Variants in MTCL1 observed in about 807,000 individuals in gnomAD.
MTCL1 encodes the protein microtubule crosslinking factor 1, also known as microtubule cross-linking factor 1.
MTCL1 carries 79 observed loss-of-function variants against 141.4 expected under a neutral mutation model. The ratio of observed to expected loss-of-function variants is 0.56; its 90% CI spans 0.47 to 0.67. The LOEUF (loss-of-function observed/expected upper bound fraction) is 0.67. Among genes scored for constraint, MTCL1 ranks in the 30% least tolerant of loss-of-function variants. The probability of loss-of-function intolerance (pLI) is 0.00; values close to 1 mark genes in which losing one functional copy is unlikely to be tolerated. For missense variants in MTCL1, 2,177 were observed against 2,113.9 expected, an observed-to-expected ratio of 1.03 and a Z score of -0.59; for synonymous variants, 914 against 875.8, an observed-to-expected ratio of 1.04 and a Z score of -0.77.
intron 9 of MTCL1, among the ~76,000 whole-genome samples, chr18:8,797,419 A>G (rs1281023740): frequency 2.6e-5 from 4 of 152,184 alleles, no homozygotes; most frequent in African/African-American, 7.2e-5. Flanking sequence ...TTTTGTATTG[A>G]TTAAGTCAGA....
At position 8,783,263 on chromosome 18, in the gene MTCL1, T is replaced by C. The variant is rs548528764; in HGVS notation, c.418-267T>C. ...GTATGATGGTTTCCACGTGCACTTT[T>C]TTTTTTCCAAACTAATTTTTTTTTG... On this transcript the variant is annotated intron_variant, in intron 5 of 16. Coordinates refer to ENST00000359865, the Ensembl canonical transcript of MTCL1. 3.9e-5 allele frequency among the ~76,000 whole-genome samples: 6 copies of C among 151,976 alleles called. No homozygotes were observed. The East Asian group carries it at 7.7e-4, about 20-fold the overall frequency.
intron 4 of MTCL1, among the ~76,000 whole-genome samples, chr18:8,776,302 C>G (rs1348072611): frequency 6.6e-6 from 1 of 152,210 alleles, no homozygotes; most frequent in Admixed American, 6.5e-5. Context: ...TTAACTTAAT[C>G]TTTGCAGATT....
chr18:8,762,031 A>G (rs2096434930), intron 4 of MTCL1, among the ~76,000 whole-genome samples: 1 of 152,184 alleles, frequency 6.6e-6, no homozygotes, highest in Non-Finnish European at 1.5e-5. Flanking sequence ...CTATGTCTGA[A>G]TAGAATTCCA....
chr18:8,737,301 A>G (rs1305357509), intron 4 of MTCL1, among the ~76,000 whole-genome samples: 1 of 152,228 alleles, frequency 6.6e-6, no homozygotes, highest in Admixed American at 6.5e-5. Flanking sequence ...CATTTAGTAA[A>G]TAGCTTAAAC....
rs533874740 is a variant in MTCL1 at position 8,823,035 on chromosome 18, A to AAGAT, written c.3188+1556_3188+1559dup. ...TAAGACTCCGTCTCAAAAAAAAAAA[A>AAGAT]AGATAGATAGATAGATAGATAGTCT... On this transcript the variant is annotated intron_variant, in intron 14 of 16. Transcript: ENST00000359865. Among the ~76,000 whole-genome samples, 279 of 151,988 alleles carry AAGAT rather than the reference A, an allele frequency of 1.8e-3. 1 individual carries two copies. Among genetic ancestry groups the AAGAT allele is most frequent in the Non-Finnish European group, 3.0e-3 (205 of 67,962 alleles).
At chr18:8,758,448 A>G (rs1022297604) in intron 4 of MTCL1, among the ~76,000 whole-genome samples, 2 of 152,094 alleles carry the variant, frequency 1.3e-5, no homozygotes, top group African/African-American at 2.4e-5. Context: ...TTCTTCTTCT[A>G]TGGATTTCAA....
chr18:8,829,159 T>C (rs1332960695), intron 16 of MTCL1: 1 of 985,402 alleles, frequency 1.0e-6, no homozygotes, highest in Non-Finnish European at 1.2e-6. Context: ...TGCTAGAGGG[T>C]TGACCACTCA....
chr18:8,758,132 C>T (rs924172120), intron 4 of MTCL1, among the ~76,000 whole-genome samples: 1 of 150,882 alleles, frequency 6.6e-6, no homozygotes, highest in African/African-American at 2.4e-5. Flanking sequence ...TCAAGCGATT[C>T]TCTTGTCTCA....
Position 8,785,948 on chromosome 18 carries a change from G to C in MTCL1, c.1744G>C (p.Glu582Gln), listed in dbSNP as rs766643883. Reference sequence around the variant, plus strand: ...GTGCACCTAACAGTCCAGACTGAAAGAGCAGCTGGAGTGGCAGCTCGGGCC... The same window carrying C: ...GTGCACCTAACAGTCCAGACTGAAACAGCAGCTGGAGTGGCAGCTCGGGCC... Residue 582 changes from glutamate (E) to glutamine (Q), a missense_variant, in exon 7 of 17, where the codon GAG becomes CAG. Glu to Gln is a conservative substitution (Grantham distance 29, BLOSUM62 2). Coordinates refer to ENST00000359865, the Ensembl canonical transcript of MTCL1. The C allele has an allele frequency of 1.7e-5, 28 of 1,602,860 alleles. No homozygotes were observed. Among genetic ancestry groups the C allele is most frequent in the Non-Finnish European group, 2.3e-5 (27 of 1,176,212 alleles).
chr18:8,772,969 G>A (rs974543532), intron 4 of MTCL1, among the ~76,000 whole-genome samples: 4 of 152,086 alleles, frequency 2.6e-5, no homozygotes, highest in Non-Finnish European at 5.9e-5. Context: ...TGATGGTTAT[G>A]TTGATTTGCC....
chr18:8,777,917 G>A (rs1478927728), intron 5 of MTCL1, 25 bp downstream of exon 4: 3 of 1,603,762 alleles, frequency 1.9e-6, no homozygotes, highest in African/African-American at 1.3e-5. Context: ...TCATTCTAAT[G>A]TTACATCTCC....
chr18:8,799,564 T>G (rs1376921924), intron 10 of MTCL1, among the ~76,000 whole-genome samples: 1 of 152,170 alleles, frequency 6.6e-6, no homozygotes, highest in Non-Finnish European at 1.5e-5. Flanking sequence ...GAAATGAAAA[T>G]GCTACTTTGC....
intron 4 of MTCL1, among the ~76,000 whole-genome samples, chr18:8,744,780 G>A (rs980841876): frequency 6.6e-6 from 1 of 152,128 alleles, no homozygotes; most frequent in African/African-American, 2.4e-5. Flanking sequence ...TCAAGACGGG[G>A]GCACTCACCT....
rs540980171 is a variant in MTCL1 at position 8,772,908 on chromosome 18, A to T, written c.358-4925A>T. Among the ~76,000 whole-genome samples, 215 of 152,158 alleles carry T rather than the reference A, an allele frequency of 1.4e-3. 1 individual carries two copies. The highest frequency in any genetic ancestry group is 4.7e-3 in the African/African-American group (194 of 41,518). ...AAGAGCATAGCTTTTAGGGATGCTA[A>T]CCCTAAATAAAATAATAAAAATAAT... On this transcript the variant is annotated intron_variant, in intron 4 of 16. Transcript: ENST00000359865.
chr18:8,775,561 A>G (rs1244579827), intron 4 of MTCL1, among the ~76,000 whole-genome samples: 1 of 151,006 alleles, frequency 6.6e-6, no homozygotes, highest in East Asian at 2.0e-4. Flanking sequence ...CGACAGAGAA[A>G]GATTCCGTCT....
chr18:8,797,435 C>T (rs1347204138), intron 9 of MTCL1, among the ~76,000 whole-genome samples: 1 of 152,156 alleles, frequency 6.6e-6, no homozygotes, highest in Non-Finnish European at 1.5e-5. Flanking sequence ...TCAGAGTGGC[C>T]GTTTGCACTG....
chr18:8,765,812 G>A (rs988430641), intron 4 of MTCL1, among the ~76,000 whole-genome samples: 17 of 152,350 alleles, frequency 1.1e-4, no homozygotes, highest in Admixed American at 2.0e-4. Context: ...CCTGGGAGAT[G>A]TGAGGTCTGT....
intron 4 of MTCL1, among the ~76,000 whole-genome samples, chr18:8,766,026 T>G (rs1027346233): frequency 6.6e-6 from 1 of 152,142 alleles, no homozygotes; most frequent in Non-Finnish European, 1.5e-5. Flanking sequence ...TTCACCCTTA[T>G]GTACCCACAG....
upstream of MTCL1, chr18:8,705,606 C>CCGCCGTCGT (rs1555621428): frequency 1.4e-5 from 17 of 1,198,714 alleles, no homozygotes; most frequent in African/African-American, 2.5e-4. The surrounding 1 kb of genome is among the most constrained non-coding windows in gnomAD (Gnocchi z 5.2). Context: ...GCCGCCGCCG[C>CCGCCGTCGT]CGCCGTCGTC....
Sources: allele counts gnomAD v4.1 joint callset (sites outside exome capture counted in the v4.1 genomes callset), GRCh38; gene constraint gnomAD v4.1.1; non-coding constraint Gnocchi (gnomAD v3.1); transcripts MANE v1.5; gene names NCBI Gene and HGNC (gene_info 2026-07-23, HGNC 2026-07-21).